The following MAPK8IP3 variants were observed in gnomAD, a reference collection of about 807,000 sequenced individuals.
MAPK8IP3 encodes the protein C-Jun-amino-terminal kinase-interacting protein 3.
Under a neutral mutation model 157.8 loss-of-function variants are expected in MAPK8IP3, and 49 were observed. The observed-to-expected ratio is 0.31, with a 90% CI of 0.25 to 0.39. The LOEUF is 0.39. MAPK8IP3 is among the 10% of genes least tolerant of loss of function. The pLI is 1.00. For missense variants in MAPK8IP3, 1,478 were observed against 1,889.4 expected (o/e 0.78, Z 4.04); for synonymous variants, 897 against 777.7 (o/e 1.15, Z -2.55).
chr16:1,732,101 C>T (rs950859377), intron 4 of MAPK8IP3, among the ~76,000 whole-genome samples: 1 of 152,222 alleles, frequency 6.6e-6, no homozygotes, highest in Non-Finnish European at 1.5e-5. Context: ...GGTATTGCAG[C>T]TCCAGGGGAC....
chr16:1,744,782 C>T (rs1266437723), intron 5 of MAPK8IP3: 6 of 985,350 alleles, frequency 6.1e-6, no homozygotes, highest in Non-Finnish European at 7.2e-6. Context: ...TGTCTGACAT[C>T]GTCGCTCTCT....
Position 1,765,157 on chromosome 16 carries a change from C to G in MAPK8IP3, c.2425C>G (p.Leu809Val). 6.2e-7 allele frequency: 1 copy of G among 1,601,276 alleles called. No homozygotes were observed. Among genetic ancestry groups the G allele is most frequent in the Non-Finnish European group, 8.5e-7 (1 of 1,170,500 alleles). ...GTTCACCGTCTGCAACGCGCACGTG[C>G]TGTGCATCTCCAGCATCCCCGGTGA... ...DQFTVCNAHV[L>V]CISSIPAASD... The change falls in exon 20 of 32, where the codon CTG becomes GTG. Residue 809 changes from leucine (L) to valine (V), a missense_variant. Around this residue, in one of 11 missense-constraint regions of MAPK8IP3, gnomAD observed 669 missense variants for 759.8 expected, o/e 0.88. Coordinates refer to ENST00000610761, the MANE Select transcript of MAPK8IP3 (RefSeq NM_001318852.2).
Position 1,768,078 on chromosome 16 carries a change from T to C in MAPK8IP3, c.3533T>C (p.Leu1178Pro). Residue 1178 changes from leucine to proline, a missense_variant, in exon 29 of 32, where the codon CTG (leucine) becomes CCG (proline). Physicochemically the swap from Leu to Pro is moderately conservative, Grantham distance 98. Coordinates refer to ENST00000610761, the MANE Select transcript of MAPK8IP3 (RefSeq NM_001318852.2). ...CCTCCCATGTCCCCAGCTGTGGTCC[T>C]GCACCGAGGCCAGCTCCTGGGGCTC... ...ISIPLTETVVLHRGQLLGLRA... is the reference protein window; with the variant it reads ...ISIPLTETVVPHRGQLLGLRA... The C allele has an allele frequency of 1.9e-6, 3 of 1,612,374 alleles. No homozygotes were observed. Among genetic ancestry groups the C allele is most frequent in the Non-Finnish European group, 2.5e-6 (3 of 1,179,988 alleles).
At position 1,724,509 on chromosome 16, in the gene MAPK8IP3, TC is replaced by T. The variant is rs1234487037; in HGVS notation, c.319-46del. ...GGCCCTTCAAGTGAAAGGCGGCTGC[TC>T]CACACTCACTCCTGATGACTGCTCT... On this transcript the variant is annotated intron_variant, in intron 1 of 31. Transcript: ENST00000610761. The surrounding 1 kb of genome is among the most constrained non-coding windows in gnomAD (Gnocchi z 4.1). 4 of 1,597,184 alleles carry T rather than the reference TC, an allele frequency of 2.5e-6. No individual in the cohort carries two copies. In the African/African-American group the frequency reaches 5.4e-5, roughly 21 times the overall value.
At chr16:1,740,465 G>A (rs763414458) in intron 4 of MAPK8IP3, among the ~76,000 whole-genome samples, 24 of 151,908 alleles carry the variant, frequency 1.6e-4, no homozygotes, top group Non-Finnish European at 3.1e-4. Context: ...GTCACATGCT[G>A]ACCGTCCGTG....
chr16:1,766,090 G>A lies in MAPK8IP3; in HGVS notation c.2577G>A (p.Pro859=), dbSNP rs777435050. 46 of 1,612,640 alleles carry A rather than the reference G, an allele frequency of 2.9e-5. No individual in the cohort carries two copies. Among genetic ancestry groups the A allele is most frequent in the East Asian group, 6.7e-5 (3 of 44,890 alleles). The part of the protein sequence containing the change: ...LVGCATRCNV[P]RSNCSSRGDT... ...GCTGTGCCACCCGCTGCAACGTGCC[G>A]CGGAGCAACTGCTCCTCCCGAGGGG... The change falls in exon 21 of 32, where the codon CCG becomes CCA. Residue 859 remains proline (P), a synonymous_variant. Coordinates refer to ENST00000610761, the MANE Select transcript of MAPK8IP3 (RefSeq NM_001318852.2).
At chr16:1,752,845 T>A (rs1015346157) in intron 8 of MAPK8IP3, among the ~76,000 whole-genome samples, 30 of 152,126 alleles carry the variant, frequency 2.0e-4, no homozygotes, top group African/African-American at 7.2e-4. Context: ...ATGGAAGGTT[T>A]TTGAAACAGA....
chr16:1,765,282 T>C, intron 20 of MAPK8IP3, 104 bp downstream of exon 20: 1 of 1,328,516 alleles, frequency 7.5e-7, no homozygotes, highest in Non-Finnish European at 1.0e-6. Context: ...GGGTGTCCTG[T>C]GGACACGGGA....
chr16:1,758,325 G>A (rs1231038312), intron 9 of MAPK8IP3, among the ~76,000 whole-genome samples, 166 bp downstream of exon 9: 1 of 152,166 alleles, frequency 6.6e-6, no homozygotes, highest in African/African-American at 2.4e-5. Context: ...AAGCTTGTTC[G>A]GTTTGCTCCA....
intron 8 of MAPK8IP3, among the ~76,000 whole-genome samples, chr16:1,750,202 G>A (rs559365870): frequency 6.6e-6 from 1 of 151,894 alleles, no homozygotes; most frequent in Non-Finnish European, 1.5e-5. Flanking sequence ...TTCAGATAAT[G>A]TTTATTTATT....
chr16:1,736,971 A>C (rs1182673952), intron 4 of MAPK8IP3, among the ~76,000 whole-genome samples: 1 of 67,568 alleles, frequency 1.5e-5, no homozygotes, highest in Non-Finnish European at 2.7e-5. Context: ...CGTCCGTGTG[A>C]CCGTCCGTGT....
At chr16:1,721,264 C>T (rs1439674857) in intron 1 of MAPK8IP3, among the ~76,000 whole-genome samples, 13 of 144,440 alleles carry the variant, frequency 9.0e-5, no homozygotes, top group African/African-American at 3.1e-4. Context: ...ACCCGGGAGG[C>T]GGAGGTTGCG....
At chr16:1,714,620 C>T (rs1401214734) in intron 1 of MAPK8IP3, among the ~76,000 whole-genome samples, 1 of 152,332 alleles carries the variant, frequency 6.6e-6, no homozygotes, top group African/African-American at 2.4e-5. Context: ...TGTTCCCTAA[C>T]CTTTCCTCAG....
At chr16:1,738,447 T>G (rs2040255085) in intron 4 of MAPK8IP3, among the ~76,000 whole-genome samples, 1 of 103,964 alleles carries the variant, frequency 9.6e-6, no homozygotes, top group Non-Finnish European at 1.8e-5. Context: ...TGACCATCCA[T>G]GTGAGCATGT....
intron 14 of MAPK8IP3, 90 bp from the exon 15 acceptor site, chr16:1,762,585 C>T (rs1472857122): frequency 7.9e-5 from 123 of 1,556,820 alleles, no homozygotes; most frequent in Admixed American, 3.5e-4. Context: ...GACTGAAGTG[C>T]GCTGGGTGCT....
chr16:1,745,143 T>C, intron 5 of MAPK8IP3: 1 of 985,396 alleles, frequency 1.0e-6, no homozygotes, highest in Non-Finnish European at 1.2e-6. Flanking sequence ...GGGTAAGTGG[T>C]GGCCCTGTAG....
At chr16:1,707,373 C>G (rs919641319) in intron 1 of MAPK8IP3, 3 of 152,252 alleles carry the variant, frequency 2.0e-5, no homozygotes. Flanking sequence ...GTCTTTGCCC[C>G]CTTGGTTCCT....
chr16:1,754,571 A>G (rs1431298390), intron 8 of MAPK8IP3, among the ~76,000 whole-genome samples: 1 of 152,188 alleles, frequency 6.6e-6, no homozygotes, highest in East Asian at 1.9e-4. Context: ...CAGGAGTTCG[A>G]GACCACTCTG....
At chr16:1,726,758 CG>C (rs1178572085) in intron 2 of MAPK8IP3, among the ~76,000 whole-genome samples, 2 of 152,196 alleles carry the variant, frequency 1.3e-5, no homozygotes, top group African/African-American at 2.4e-5. Context: ...GAGCAGGCCC[CG>C]GGCTCCCTCC....
Sources: gnomAD v4.1 joint callset for allele counts (sites outside exome capture counted in the v4.1 genomes callset) on GRCh38, gnomAD v4.1.1 for gene constraint, gnomAD v4.1.1 regional missense constraint, Gnocchi (gnomAD v3.1) non-coding constraint, MANE v1.5 for transcripts, NCBI Gene and HGNC (gene_info 2026-07-23, HGNC 2026-07-21) for gene names.